The following UHRF2 variants were observed in gnomAD, a reference collection of about 807,000 sequenced individuals.
UHRF2 encodes the protein ubiquitin like with PHD and ring finger domains 2.
In UHRF2, 23 loss-of-function variants were observed where a neutral mutation model predicts 96.8. The observed-to-expected ratio is 0.24, with a 90% CI of 0.17 to 0.34. The LOEUF is 0.34. Among genes scored for constraint, UHRF2 ranks in the 10% least tolerant of loss-of-function variants. The probability of loss-of-function intolerance (pLI) is 1.00; values close to 1 mark genes in which losing one functional copy is unlikely to be tolerated. For synonymous variants in UHRF2, 385 were observed against 332.6 expected (o/e 1.16, Z -1.72); for missense variants, 685 against 981.5 (o/e 0.70, Z 4.04).
At chr9:6,469,717 T>TATATATACACAC (rs1563782966) in intron 4 of UHRF2, among the ~76,000 whole-genome samples, 58 of 149,664 alleles carry the variant, frequency 3.9e-4, no homozygotes, top group African/African-American at 1.3e-3. Context: ...TATACACACA[T>TATATATACACAC]ATATGTGCAT....
intron 15 of UHRF2, 26 bp downstream of exon 15, chr9:6,504,717 C>A (rs1323130523): frequency 1.3e-6 from 2 of 1,567,400 alleles, no homozygotes; most frequent in Admixed American, 3.4e-5. Flanking sequence ...TCCTCACTTT[C>A]CCTGTTAGGT....
intron 1 of UHRF2, chr9:6,413,938 T>G: frequency 4.0e-6 from 1 of 249,052 alleles, no homozygotes; most frequent in East Asian, 7.4e-5. Flanking sequence ...AGGCACTGGG[T>G]GCCCAGGTCC....
At position 6,420,862 on chromosome 9, in the gene UHRF2, G is replaced by C. The variant is rs752314304; in HGVS notation, c.154-50G>C. 6.2e-6 allele frequency: 9 copies of C among 1,440,880 alleles called. No individual in the cohort carries two copies. In the Admixed American group the frequency reaches 6.7e-5, roughly 11 times the overall value. 89.3% of individuals were successfully genotyped at this position (1,440,880 alleles called of 1,614,324 possible). A position where few individuals can be genotyped will look rare whatever the true frequency, so the allele number is the denominator to read the frequency against. On this transcript the variant is annotated intron_variant, in intron 1 of 15. Transcript: ENST00000276893. ...GGACATTTGAGCAACTAAAAATGTA[G>C]TAAGATACATTTTAGAGAAGCATTT...
chr9:6,448,265 A>G (rs1380022511), intron 3 of UHRF2, among the ~76,000 whole-genome samples: 1 of 152,240 alleles, frequency 6.6e-6, no homozygotes, highest in Non-Finnish European at 1.5e-5. Context: ...AACCAAAAAG[A>G]GCAACCAAAT....
At chr9:6,414,620 C>G (rs540011020) in intron 1 of UHRF2, among the ~76,000 whole-genome samples, 22 of 152,262 alleles carry the variant, frequency 1.4e-4, no homozygotes, top group African/African-American at 5.3e-4. Flanking sequence ...AGTTGGCATC[C>G]TGAGTTGATA....
intron 1 of UHRF2, among the ~76,000 whole-genome samples, chr9:6,418,113 C>G (rs1036583176): frequency 6.6e-6 from 1 of 152,024 alleles, no homozygotes; most frequent in Non-Finnish European, 1.5e-5. Flanking sequence ...TTTTTCAGCT[C>G]CTCCAGAATT....
chr9:6,414,400 A>G (rs12003279), intron 1 of UHRF2, among the ~76,000 whole-genome samples: 1 of 152,166 alleles, frequency 6.6e-6, no homozygotes, highest in African/African-American at 2.4e-5. Context: ...CTCGCCTTCT[A>G]ATACTCATGT....
intron 8 of UHRF2, among the ~76,000 whole-genome samples, chr9:6,483,528 CA>C (rs1824058064): frequency 6.6e-6 from 1 of 152,094 alleles, no homozygotes; most frequent in South Asian, 2.1e-4. Context: ...AGTACAGACA[CA>C]GCCGTCTGTT....
intron 3 of UHRF2, among the ~76,000 whole-genome samples, chr9:6,435,764 C>T (rs1208878738): frequency 2.0e-5 from 3 of 152,098 alleles, no homozygotes; most frequent in Non-Finnish European, 4.4e-5. Context: ...CTTGGTACCA[C>T]ACCAGGCTAA....
intron 3 of UHRF2, among the ~76,000 whole-genome samples, chr9:6,447,179 G>A (rs576129376): frequency 4.6e-5 from 7 of 152,212 alleles, no homozygotes; most frequent in African/African-American, 1.2e-4. Context: ...ATGAGCCACC[G>A]CGCCCAGCCA....
intron 8 of UHRF2, among the ~76,000 whole-genome samples, chr9:6,484,990 T>TC (rs1193777883): frequency 1.3e-5 from 2 of 151,716 alleles, no homozygotes; most frequent in Non-Finnish European, 1.5e-5. Flanking sequence ...ATGGGGTTAC[T>TC]CCATGTTGGT....
At chr9:6,446,251 A>G (rs377032931) in intron 3 of UHRF2, among the ~76,000 whole-genome samples, 2 of 151,804 alleles carry the variant, frequency 1.3e-5, no homozygotes, top group Non-Finnish European at 2.9e-5. Flanking sequence ...CCCAGGTTCA[A>G]GCGATTCTCA....
At chr9:6,474,086 C>T (rs546192744) in intron 4 of UHRF2, among the ~76,000 whole-genome samples, 2 of 152,096 alleles carry the variant, frequency 1.3e-5, no homozygotes, top group Non-Finnish European at 2.9e-5. Flanking sequence ...AATATAACTT[C>T]GGAGGACATG....
chr9:6,415,230 T>G (rs10758785), intron 1 of UHRF2: 108,589 of 152,184 alleles, frequency 0.71, 40,768 homozygotes, highest in South Asian at 0.83. Flanking sequence ...CAAAGTAGAC[T>G]TTCAGTAAAC....
In UHRF2 at chr9:6,475,391, G is replaced by C. The variant is rs779173390; in HGVS notation, c.864G>C (p.Gly288=). ...TAACCTTTCTTCCTTTTTTAAACAG[G>C]GGTTCTGAAGGAACATTAAATGACT... ...KKELRVKIFL[G]GSEGTLNDCK... is the part of the protein sequence containing the mutation. Residue 288 remains glycine, a splice_region_variant and synonymous_variant, in exon 5 of 16, where the codon GGG becomes GGC. Transcript: ENST00000276893. 21 of 1,516,720 alleles carry C rather than the reference G, an allele frequency of 1.4e-5. No individual in the cohort carries two copies. The allele number at this position is 1,516,720 out of a possible 1,614,324, so 94.0% of individuals were successfully genotyped here.
chr9:6,469,679 T>TATATACAC (rs1219610266), intron 4 of UHRF2, among the ~76,000 whole-genome samples: 4 of 151,004 alleles, frequency 2.6e-5, no homozygotes, highest in African/African-American at 4.9e-5. Flanking sequence ...TGTGTGTGTA[T>TATATACAC]GTATATATAT....
At chr9:6,463,473 T>G (rs1157692919) in intron 4 of UHRF2, among the ~76,000 whole-genome samples, 1 of 146,790 alleles carries the variant, frequency 6.8e-6, no homozygotes, top group Non-Finnish European at 1.5e-5. Flanking sequence ...TGGATAGAAT[T>G]TTTTTTTTTT....
At chr9:6,471,706 A>G (rs1823248936) in intron 4 of UHRF2, among the ~76,000 whole-genome samples, 1 of 152,172 alleles carries the variant, frequency 6.6e-6, no homozygotes, top group Admixed American at 6.5e-5. Context: ...CTACTCCCAG[A>G]TTCCTGACCC....
At chr9:6,457,123 A>G (rs1339568475) in intron 3 of UHRF2, among the ~76,000 whole-genome samples, 1 of 152,100 alleles carries the variant, frequency 6.6e-6, no homozygotes, top group Non-Finnish European at 1.5e-5. Context: ...CACAATACTG[A>G]TTCTTCTATC....
Sources: gnomAD v4.1 joint callset for allele counts (sites outside exome capture counted in the v4.1 genomes callset) on GRCh38, gnomAD v4.1.1 for gene constraint, MANE v1.5 for transcripts, NCBI Gene and HGNC (gene_info 2026-07-23, HGNC 2026-07-21) for gene names.